The following OSBPL10 variants were observed in gnomAD, a reference collection of about 807,000 sequenced individuals.
OSBPL10 encodes oxysterol-binding protein-related protein 10.
In OSBPL10, 49 loss-of-function variants were observed where a neutral mutation model predicts 81.7. The observed-to-expected ratio is 0.60, with a 90% confidence interval of 0.48 to 0.76. The LOEUF is 0.76. Ranked by LOEUF, OSBPL10 falls within the 30% of genes least tolerant of loss-of-function variation. The pLI, the probability that OSBPL10 is intolerant of heterozygous loss-of-function variation, is 0.00. For missense variants in OSBPL10, 923 were observed against 987.8 expected, an observed-to-expected ratio of 0.93 and a Z score of 0.88; for synonymous variants, 419 against 383.6, an observed-to-expected ratio of 1.09 and a Z score of -1.08.
At chr3:31,884,118 G>A (rs1312797209) in intron 1 of OSBPL10, among the ~76,000 whole-genome samples, 1 of 152,120 alleles carries the variant, frequency 6.6e-6, no homozygotes, top group Admixed American at 6.5e-5. Context: ...TGAATTGAAC[G>A]CTGTTTTATT....
intron 3 of OSBPL10, among the ~76,000 whole-genome samples, chr3:31,841,318 T>C (rs1402923946): frequency 1.3e-5 from 2 of 152,220 alleles, no homozygotes; most frequent in Non-Finnish European, 2.9e-5. Context: ...CATTTACTTA[T>C]TTTTATTTAC....
At chr3:32,043,875 A>G (rs1699597632) in intron 2 of OSBPL10, among the ~76,000 whole-genome samples, 1 of 146,750 alleles carries the variant, frequency 6.8e-6, no homozygotes, top group African/African-American at 2.5e-5. Flanking sequence ...ACTCACGGAC[A>G]TAAAGATGGC....
At chr3:31,948,633 T>A (rs563941926) in intron 1 of OSBPL10, among the ~76,000 whole-genome samples, 2 of 152,358 alleles carry the variant, frequency 1.3e-5, no homozygotes, top group Non-Finnish European at 2.9e-5. Context: ...ACGTTTTACT[T>A]TCCAGATTTC....
chr3:32,077,009 A>T (rs1162076970), intron 1 of OSBPL10, among the ~76,000 whole-genome samples: 2 of 152,164 alleles, frequency 1.3e-5, no homozygotes, highest in African/African-American at 4.8e-5. Flanking sequence ...CCCCAGCTGT[A>T]TGACTCCTAA....
intron 4 of OSBPL10, among the ~76,000 whole-genome samples, chr3:31,810,954 C>G (rs1377740336): frequency 6.6e-6 from 1 of 152,122 alleles, no homozygotes; most frequent in Non-Finnish European, 1.5e-5. Context: ...ATTAGAAACA[C>G]CCTAAATTGT....
At chr3:31,713,479 CT>C (rs997406241) in intron 6 of OSBPL10, among the ~76,000 whole-genome samples, 7 of 152,000 alleles carry the variant, frequency 4.6e-5, no homozygotes, top group Admixed American at 4.6e-4. Context: ...TCACTGCAAC[CT>C]TCCCCTCCCG....
rs1559534737 is a variant in OSBPL10, at chr3:31,965,435, T to TATATATTATATATAATAGATAATATAA, written c.281+15463_281+15464insTTATATTATCTATTATATATAATATAT. Among the ~76,000 whole-genome samples the TATATATTATATATAATAGATAATATAA allele has an allele frequency of 5.6e-4, 47 of 84,436 alleles. 5 individuals are homozygous for TATATATTATATATAATAGATAATATAA. In the East Asian group the frequency reaches 0.011, roughly 19 times the overall value. 55.4% of individuals were successfully genotyped at this position (84,436 alleles called of 152,430 possible). On this transcript the variant is annotated intron_variant, in intron 1 of 11. Coordinates refer to ENST00000396556, the MANE Select transcript of OSBPL10 (RefSeq NM_017784.5). The stretch of plus-strand genomic sequence containing the variant: ...TATATTATATATAATAGATAATATA[T>TATATATTATATATAATAGATAATATAA]AATATATATTATATAATATATAATT...
intron 3 of OSBPL10, among the ~76,000 whole-genome samples, chr3:31,856,069 TAC>T (rs10576489): frequency 0.15 from 19,954 of 134,168 alleles, 1,563 homozygotes; most frequent in African/African-American, 0.21. Flanking sequence ...ATGTTTATAT[TAC>T]ACACACACAC....
chr3:31,995,881 G>T (rs954271112), intron 2 of OSBPL10, among the ~76,000 whole-genome samples: 1 of 152,180 alleles, frequency 6.6e-6, no homozygotes, highest in South Asian at 2.1e-4. Flanking sequence ...GATCAATGCA[G>T]TGCAAAGCCG....
At chr3:31,879,582 A>G in intron 2 of OSBPL10, 73 bp downstream of exon 2, 2 of 1,482,202 alleles carry the variant, frequency 1.3e-6, no homozygotes, top group African/African-American at 2.8e-5. Context: ...AAAAACAAAA[A>G]ATCAAAAAAC....
At chr3:32,008,875 G>A (rs1279658651) in intron 2 of OSBPL10, among the ~76,000 whole-genome samples, 1 of 151,800 alleles carries the variant, frequency 6.6e-6, no homozygotes, top group East Asian at 1.9e-4. Context: ...GTAAATTTCA[G>A]AGCAATAGTT....
intron 1 of OSBPL10, among the ~76,000 whole-genome samples, chr3:31,881,050 C>T (rs1464959041): frequency 6.6e-6 from 1 of 152,190 alleles, no homozygotes; most frequent in African/African-American, 2.4e-5. Flanking sequence ...GGTTCCTACC[C>T]CTTCTTGCCG....
At chr3:32,002,926 G>T (rs1204278846) in intron 2 of OSBPL10, among the ~76,000 whole-genome samples, 2 of 152,176 alleles carry the variant, frequency 1.3e-5, no homozygotes, top group Non-Finnish European at 2.9e-5. Flanking sequence ...AGACAATCAG[G>T]TCATTACAAC....
intron 1 of OSBPL10, 69 bp from the exon 2 acceptor site, chr3:31,879,899 G>C: frequency 1.4e-6 from 2 of 1,468,094 alleles, no homozygotes; most frequent in Non-Finnish European, 9.1e-7. Flanking sequence ...GCAGAAAAAA[G>C]CAAAGTGATC....
chr3:31,964,989 C>T (rs61280256), intron 1 of OSBPL10, among the ~76,000 whole-genome samples: 5,016 of 152,180 alleles, frequency 0.033, 305 homozygotes, highest in African/African-American at 0.12. Flanking sequence ...ATCAAACTGA[C>T]ATTTATAGCA....
At chr3:31,967,626 C>T (rs1698437631) in intron 1 of OSBPL10, among the ~76,000 whole-genome samples, 8 of 152,118 alleles carry the variant, frequency 5.3e-5, no homozygotes, top group Admixed American at 5.2e-4. Flanking sequence ...GATGAAACAA[C>T]TTAATAGGGA....
At chr3:31,754,471 G>T (rs1171741479) in intron 4 of OSBPL10, among the ~76,000 whole-genome samples, 1 of 151,994 alleles carries the variant, frequency 6.6e-6, no homozygotes, top group Non-Finnish European at 1.5e-5. Context: ...CAAAGAAAAA[G>T]AAGAAAGGAA....
intron 1 of OSBPL10, among the ~76,000 whole-genome samples, chr3:31,970,017 C>T (rs1180049861): frequency 3.9e-5 from 6 of 152,014 alleles, no homozygotes; most frequent in Admixed American, 2.6e-4. Context: ...TCAGTAATCT[C>T]ATCTATAAAA....
intron 2 of OSBPL10, among the ~76,000 whole-genome samples, chr3:32,035,245 A>G (rs1480429982): frequency 1.3e-5 from 2 of 152,212 alleles, no homozygotes; most frequent in Non-Finnish European, 2.9e-5. Flanking sequence ...TAGAAAAAAT[A>G]TAATAAAACA....
Sources: allele counts gnomAD v4.1 joint callset (sites outside exome capture counted in the v4.1 genomes callset), GRCh38; gene constraint gnomAD v4.1.1; transcripts MANE v1.5; gene names NCBI Gene and HGNC (gene_info 2026-07-23, HGNC 2026-07-21).